Variants in EXD3 observed in about 807,000 individuals in gnomAD.
EXD3 encodes exonuclease 3'-5' domain containing 3.
EXD3 carries 92 observed loss-of-function variants against 98.0 expected under a neutral mutation model. The observed-to-expected ratio is 0.94, with a 90% CI of 0.79 to 1.12. EXD3 has a LOEUF of 1.12. Among genes scored for constraint, EXD3 ranks in the 50% most tolerant of loss-of-function variants. The pLI is 0.00. For synonymous variants in EXD3, 569 were observed against 526.0 expected (o/e 1.08, Z -1.12); for missense variants, 1,222 against 1,191.6 (o/e 1.03, Z -0.38).
chr9:137,353,994 C>T, intron 10 of EXD3: 1 of 1,120,400 alleles, frequency 8.9e-7, no homozygotes, highest in Non-Finnish European at 1.1e-6. Flanking sequence ...TGGCCTTCCT[C>T]CTTCCGGCCT....
Position 137,351,386 on chromosome 9 carries a change from C to T in EXD3, c.1316G>A (p.Gly439Glu). 1 of 1,610,954 alleles carries T rather than the reference C, an allele frequency of 6.2e-7. No individual in the cohort carries two copies. Among genetic ancestry groups the T allele is most frequent in the Non-Finnish European group, 8.5e-7 (1 of 1,179,320 alleles). The change falls in exon 13 of 22, where the codon GGG (glycine) becomes GAG (glutamate). Residue 439 changes from glycine to glutamate, a missense_variant. Coordinates refer to ENST00000340951, the MANE Select transcript of EXD3 (RefSeq NM_017820.5). The stretch of plus-strand genomic sequence containing the variant: ...CCGGGAAAAGGCCTGGGCTCCCTGC[C>T]CTGTTGGTGGCTGCGAGAGTGCCAG... ...DVLALSQPPT[G>E]QGAQAFSRLV...
At chr9:137,355,499 A>AGGGAGGAT (rs143208480) in intron 8 of EXD3, among the ~76,000 whole-genome samples, 2 of 27,726 alleles carry the variant, frequency 7.2e-5, no homozygotes, top group Admixed American at 3.7e-4. Flanking sequence ...GGATGGAGGA[A>AGGGAGGAT]GGAGGAAGGA....
At chr9:137,386,191 G>A (rs547535056) in intron 2 of EXD3, among the ~76,000 whole-genome samples, 5 of 152,186 alleles carry the variant, frequency 3.3e-5, no homozygotes, top group South Asian at 2.1e-4. Context: ...CCACTTGGGA[G>A]GCTGGGGTGG....
intron 1 of EXD3, among the ~76,000 whole-genome samples, chr9:137,408,160 A>C (rs1199335123): frequency 6.6e-6 from 1 of 152,104 alleles, no homozygotes; most frequent in Non-Finnish European, 1.5e-5. Flanking sequence ...AAAACCCAAC[A>C]GTGACTCTTC....
Position 137,371,042 on chromosome 9 carries a change from G to A in EXD3, c.462+1863C>T, listed in dbSNP as rs941762495. The stretch of plus-strand genomic sequence containing the variant: ...GTGGAGCATGCATCGCCTGCCGGGC[G>A]GCCCCGCTCGGGGACAATGGCTTTC... On this transcript the variant is annotated intron_variant, in intron 5 of 21. Coordinates refer to ENST00000340951, the MANE Select transcript of EXD3 (RefSeq NM_017820.5). The surrounding 1 kb of genome is among the most constrained non-coding windows in gnomAD (Gnocchi z 8.0). Among the ~76,000 whole-genome samples, 37 of 152,328 alleles carry A rather than the reference G, an allele frequency of 2.4e-4. No homozygotes were observed. Among genetic ancestry groups the A allele is most frequent in the Middle Eastern group, 3.4e-3 (1 of 294 alleles).
intron 10 of EXD3, chr9:137,353,765 G>A: frequency 2.0e-6 from 2 of 985,790 alleles, no homozygotes; most frequent in Non-Finnish European, 2.4e-6. Flanking sequence ...AGGCGGGAAG[G>A]GAGGGGACCT....
At chr9:137,421,492 T>C (rs2131853935) in intron 1 of EXD3, among the ~76,000 whole-genome samples, 1 of 152,372 alleles carries the variant, frequency 6.6e-6, no homozygotes, top group Middle Eastern at 3.4e-3. Context: ...TTGTATTTTT[T>C]ATTTTCCTAC....
intron 5 of EXD3, among the ~76,000 whole-genome samples, chr9:137,368,975 C>T (rs1166674744): frequency 9.6e-4 from 14 of 14,534 alleles, no homozygotes; most frequent in Non-Finnish European, 1.4e-3. Flanking sequence ...GGCCGGGGGA[C>T]GGGGTGCAGT....
At chr9:137,340,809 C>T (rs1335561969) in intron 17 of EXD3, among the ~76,000 whole-genome samples, 1 of 152,184 alleles carries the variant, frequency 6.6e-6, no homozygotes, top group Non-Finnish European at 1.5e-5. Flanking sequence ...GAGGCCACTG[C>T]ACCTGGCCTC....
rs564695932 is a variant in EXD3, at chr9:137,327,380, G to A, written c.1999-3237C>T. On this transcript the variant is annotated intron_variant, in intron 17 of 21. Transcript: ENST00000340951. ...GACCTCCTGACCTTGTGATCCGCCC[G>A]CGTCGGCCTCCCAAAGTGCTGGGAT... Among the ~76,000 whole-genome samples, 89 of 152,210 alleles carry A rather than the reference G, an allele frequency of 5.8e-4. 1 individual carries two copies. In the Middle Eastern group the frequency reaches 0.01, roughly 17 times the overall value.
intron 3 of EXD3, among the ~76,000 whole-genome samples, chr9:137,378,788 G>T (rs1394618784): frequency 1.3e-5 from 2 of 152,268 alleles, no homozygotes; most frequent in African/African-American, 4.8e-5. Flanking sequence ...CTGTCCAGAA[G>T]TGGCAAATCC....
chr9:137,354,525 G>A (rs1834506159), intron 9 of EXD3, 148 bp from the exon 10 acceptor site: 1 of 1,536,250 alleles, frequency 6.5e-7, no homozygotes, highest in Non-Finnish European at 8.7e-7. Flanking sequence ...CCAGAGCCAG[G>A]GCCCCATGGC....
rs1175640144 is a variant in EXD3, at chr9:137,337,617, C to G, written c.1998+10454G>C. 2.0e-5 allele frequency among the ~76,000 whole-genome samples: 3 copies of G among 151,472 alleles called. No homozygotes were observed. In the East Asian group the frequency reaches 5.9e-4, roughly 30 times the overall value. ...AGTGAGCCGAGATTTCGCCACTGCA[C>G]TCCAGCCTGGGCGACAGAGCGAGAT... is the stretch of plus-strand genomic sequence containing the variant. On this transcript the variant is annotated intron_variant, in intron 17 of 21. Coordinates refer to ENST00000340951, the MANE Select transcript of EXD3 (RefSeq NM_017820.5).
intron 17 of EXD3, among the ~76,000 whole-genome samples, chr9:137,332,835 CTCTG>C (rs376651271): frequency 1.4e-4 from 22 of 152,282 alleles, no homozygotes; most frequent in African/African-American, 4.3e-4. Flanking sequence ...CAGACTGAGA[CTCTG>C]TCTGTCAAAA....
At chr9:137,327,373 T>A (rs1832476590) in intron 17 of EXD3, among the ~76,000 whole-genome samples, 1 of 152,110 alleles carries the variant, frequency 6.6e-6, no homozygotes, top group Non-Finnish European at 1.5e-5. Context: ...GACCTTGTGA[T>A]CCGCCCGCGT....
intron 1 of EXD3, among the ~76,000 whole-genome samples, chr9:137,402,864 A>T (rs745532130): frequency 1.3e-5 from 2 of 152,164 alleles, no homozygotes; most frequent in Non-Finnish European, 2.9e-5. Flanking sequence ...GGCGAAAGGC[A>T]CTTCTTACAT....
At chr9:137,414,858 G>A (rs1838163539) in intron 1 of EXD3, among the ~76,000 whole-genome samples, 1 of 152,146 alleles carries the variant, frequency 6.6e-6, no homozygotes, top group African/African-American at 2.4e-5. Context: ...TTCTTTGTAT[G>A]TTTGTTTTTA....
chr9:137,323,841 C>T lies in EXD3; in HGVS notation c.2068G>A (p.Gly690Arg), dbSNP rs374698744. The change falls in exon 19 of 22, where the codon GGG (glycine) becomes AGG (arginine). Residue 690 changes from glycine to arginine, a missense_variant. Physicochemically the swap from Gly to Arg is moderately radical, Grantham distance 125 (BLOSUM62 -2). Transcript: ENST00000340951. ...TCGACCGAGAGGCAGCGCCCAGCCCCGACCTGGGCCCGGAGCTGCAAAGAC... is the reference window on the plus strand; with the variant it reads ...TCGACCGAGAGGCAGCGCCCAGCCCTGACCTGGGCCCGGAGCTGCAAAGAC... ...QPFHKLRAQV[G>R]AGRCLSVDCS... The T allele has an allele frequency of 1.1e-4, 180 of 1,611,266 alleles. No homozygotes were observed. Among genetic ancestry groups the T allele is most frequent in the Middle Eastern group, 3.6e-4 (2 of 5,620 alleles).
chr9:137,366,084 A>G, intron 7 of EXD3: 1 of 687,838 alleles, frequency 1.5e-6, no homozygotes. Context: ...CAGGCACCAT[A>G]TGGGCTCCTT....
Sources: allele counts gnomAD v4.1 joint callset (sites outside exome capture counted in the v4.1 genomes callset), GRCh38; gene constraint gnomAD v4.1.1; non-coding constraint Gnocchi (gnomAD v3.1); transcripts MANE v1.5; gene names NCBI Gene and HGNC (gene_info 2026-07-23, HGNC 2026-07-21).